Variants in MTUS2 observed in about 807,000 individuals in gnomAD.
The protein encoded by MTUS2 is microtubule-associated tumor suppressor candidate 2.
MTUS2 carries 40 observed loss-of-function variants against 114.1 expected under a neutral mutation model. The observed-to-expected ratio is 0.35, with a 90% CI of 0.27 to 0.46. The LOEUF (loss-of-function observed/expected upper bound fraction) is 0.46. Ranked by LOEUF, MTUS2 falls within the 20% of genes least tolerant of loss-of-function variation. The pLI is 1.00. For synonymous variants in MTUS2, 688 were observed against 672.0 expected, an observed-to-expected ratio of 1.02 and a Z score of -0.37; for missense variants, 1,679 against 1,705.4, an observed-to-expected ratio of 0.98 and a Z score of 0.27.
At chr13:29,428,749 G>T in intron 8 of MTUS2, 1 of 1,589,750 alleles carries the variant, frequency 6.3e-7, no homozygotes, top group African/African-American at 1.3e-5. Flanking sequence ...GCTCCCAGCG[G>T]CGCGCCCCTT....
intron 5 of MTUS2, among the ~76,000 whole-genome samples, chr13:29,113,924 C>T (rs1037945001): frequency 8.5e-5 from 13 of 152,056 alleles, no homozygotes; most frequent in African/African-American, 2.2e-4. Flanking sequence ...TAAATGGCTT[C>T]GCACCATCCC....
chr13:28,888,001 C>T (rs1277000063), intron 2 of MTUS2, among the ~76,000 whole-genome samples: 1 of 152,200 alleles, frequency 6.6e-6, no homozygotes, highest in Non-Finnish European at 1.5e-5. Context: ...CCTTTTCTAC[C>T]TGCTGTTGGC....
At chr13:29,033,814 CT>C in intron 3 of MTUS2, 70 bp from the exon 4 acceptor site, 1 of 1,576,424 alleles carries the variant, frequency 6.3e-7, no homozygotes, top group South Asian at 1.2e-5. Flanking sequence ...CAGCCTCGGT[CT>C]CGTGGTCCTG....
intron 5 of MTUS2, among the ~76,000 whole-genome samples, chr13:29,247,284 A>G (rs1896961437): frequency 6.6e-6 from 1 of 152,254 alleles, no homozygotes; most frequent in African/African-American, 2.4e-5. Flanking sequence ...TCAAAGACTT[A>G]AATCTAAGAC....
At chr13:29,015,241 C>G (rs1262466959) in intron 2 of MTUS2, among the ~76,000 whole-genome samples, 1 of 152,164 alleles carries the variant, frequency 6.6e-6, no homozygotes, top group Non-Finnish European at 1.5e-5. Context: ...GTAAATTATA[C>G]TTTAGTAAAA....
rs563885699 is a variant in MTUS2 at position 29,165,304 on chromosome 13, T to C, written c.2644+64334T>C. On this transcript the variant is annotated intron_variant, in intron 5 of 15. Coordinates refer to ENST00000612955, the MANE Select transcript of MTUS2 (RefSeq NM_001033602.4). ...AACCCATCTTCAAGGAAGCTTGTCT[T>C]GACCTTCTTAACTAGATAAACCTTC... 3.5e-3 allele frequency among the ~76,000 whole-genome samples: 528 copies of C among 152,314 alleles called. 5 individuals carry two copies. Among genetic ancestry groups the C allele is most frequent in the African/African-American group, 0.012 (498 of 41,572 alleles).
intron 7 of MTUS2, among the ~76,000 whole-genome samples, chr13:29,329,064 G>A (rs1900650234): frequency 1.3e-5 from 2 of 152,052 alleles, no homozygotes; most frequent in Admixed American, 6.6e-5. Context: ...ATTATTTTAT[G>A]TTGCATGCAG....
intron 2 of MTUS2, among the ~76,000 whole-genome samples, chr13:28,990,742 C>T (rs1025966227): frequency 7.2e-5 from 11 of 152,232 alleles, no homozygotes; most frequent in African/African-American, 1.2e-4. Context: ...CAGCCAACAG[C>T]GGCAACCCAC....
chr13:29,389,247 A>G (rs1235966026), intron 8 of MTUS2, among the ~76,000 whole-genome samples: 7 of 148,904 alleles, frequency 4.7e-5, no homozygotes, highest in African/African-American at 1.8e-4. Flanking sequence ...GTGTGTATAT[A>G]TATGTATACA....
chr13:29,493,935 G>T (rs1882362428), intron 12 of MTUS2, among the ~76,000 whole-genome samples: 1 of 152,162 alleles, frequency 6.6e-6, no homozygotes, highest in Non-Finnish European at 1.5e-5. Flanking sequence ...AATCCGTTTG[G>T]GCTGGAGGTT....
chr13:29,481,853 A>ATGAAACAGAATAGGTTAC (rs1265552988), intron 10 of MTUS2, among the ~76,000 whole-genome samples: 1 of 152,202 alleles, frequency 6.6e-6, no homozygotes, highest in African/African-American at 2.4e-5. Context: ...CATAGAGACT[A>ATGAAACAGAATAGGTTAC]TGAAACAGAA....
intron 4 of MTUS2, among the ~76,000 whole-genome samples, chr13:29,094,244 G>A (rs925216634): frequency 6.6e-6 from 1 of 151,426 alleles, no homozygotes; most frequent in Non-Finnish European, 1.5e-5. Context: ...TTCTTTTTTT[G>A]GGTGGGGGGT....
chr13:29,276,202 C>T (rs368400193), intron 5 of MTUS2, among the ~76,000 whole-genome samples: 3 of 152,086 alleles, frequency 2.0e-5, no homozygotes, highest in Admixed American at 2.0e-4. Flanking sequence ...TTGCATTCCC[C>T]GAGGATTTGA....
chr13:29,480,576 T>G lies in MTUS2; in HGVS notation c.3399+212T>G, dbSNP rs1392430948. 6.6e-6 allele frequency among the ~76,000 whole-genome samples: 1 copy of G among 152,198 alleles called. No individual in the cohort carries two copies. The highest frequency in any genetic ancestry group is 1.5e-5 in the Non-Finnish European group (1 of 68,040). On this transcript the variant is annotated intron_variant, in intron 10 of 15. Coordinates refer to ENST00000612955, the MANE Select transcript of MTUS2 (RefSeq NM_001033602.4). The surrounding 1 kb of genome is among the most constrained non-coding windows in gnomAD (Gnocchi z 4.4). ...TCTTCCTCAGGGTTTTCACACTTGC[T>G]GTGCCCTCTGCCTGGAATGCTCTCC... is the stretch of plus-strand genomic sequence containing the variant.
intron 8 of MTUS2, among the ~76,000 whole-genome samples, chr13:29,386,132 A>T (rs1172095353): frequency 1.3e-5 from 2 of 152,232 alleles, no homozygotes; most frequent in African/African-American, 4.8e-5. Context: ...GTGTCAAGGT[A>T]TAAGACCCTC....
chr13:29,480,047 C>T lies in MTUS2; in HGVS notation c.3185-103C>T, dbSNP rs752409774. ...CCCTGCAGAAGTCAGAGGACCTCGCCCTGTTTATTACGCCAGCCTTGATGA... is the reference window on the plus strand; with the variant it reads ...CCCTGCAGAAGTCAGAGGACCTCGCTCTGTTTATTACGCCAGCCTTGATGA... On this transcript the variant is annotated intron_variant, in intron 9 of 15. Coordinates refer to ENST00000612955, the MANE Select transcript of MTUS2 (RefSeq NM_001033602.4). This position sits in a 1 kb window ranked among gnomAD's most constrained non-coding sequence, Gnocchi z 4.4. 2 of 1,193,168 alleles carry T rather than the reference C, an allele frequency of 1.7e-6. No homozygotes were observed. Among genetic ancestry groups the T allele is most frequent in the Non-Finnish European group, 2.4e-6 (2 of 843,526 alleles). 73.9% of individuals were successfully genotyped at this position (1,193,168 alleles called of 1,614,324 possible). A position where few individuals can be genotyped will look rare whatever the true frequency, so the allele number is the denominator to read the frequency against.
intron 8 of MTUS2, among the ~76,000 whole-genome samples, chr13:29,417,977 G>T (rs968126040): frequency 2.6e-5 from 4 of 152,140 alleles, no homozygotes; most frequent in Non-Finnish European, 5.9e-5. Context: ...GTGGAGTTGG[G>T]GGGTAACTGG....
intron 7 of MTUS2, among the ~76,000 whole-genome samples, chr13:29,358,289 G>T (rs1869922590): frequency 2.0e-5 from 3 of 152,158 alleles, no homozygotes; most frequent in African/African-American, 2.4e-5. Context: ...GTGGTGGAGT[G>T]CTTTCCTCTG....
intron 8 of MTUS2, 46 bp downstream of exon 8, chr13:29,359,519 A>G: frequency 6.4e-7 from 1 of 1,565,290 alleles, no homozygotes; most frequent in Non-Finnish European, 8.7e-7. Flanking sequence ...TGGTTGGAGG[A>G]GAGTGTGGTG....
Sources: gnomAD v4.1 joint callset for allele counts (sites outside exome capture counted in the v4.1 genomes callset) on GRCh38, gnomAD v4.1.1 for gene constraint, Gnocchi (gnomAD v3.1) non-coding constraint, MANE v1.5 for transcripts, NCBI Gene and HGNC (gene_info 2026-07-23, HGNC 2026-07-21) for gene names.